The following DGKB variants were observed in gnomAD, a reference collection of about 807,000 sequenced individuals.
DGKB encodes 90 kDa diacylglycerol kinase.
Under a neutral mutation model 114.3 loss-of-function variants are expected in DGKB, and 67 were observed. That is an observed-to-expected ratio of 0.59 (90% CI 0.48 to 0.72). The LOEUF (loss-of-function observed/expected upper bound fraction) is 0.72, where lower values mean the gene tolerates loss of function less well. Ranked by LOEUF, DGKB falls within the 30% of genes least tolerant of loss-of-function variation. The pLI is 0.00. For missense variants in DGKB, 907 were observed against 975.2 expected, an observed-to-expected ratio of 0.93 and a Z score of 0.93; for synonymous variants, 398 against 323.1, an observed-to-expected ratio of 1.23 and a Z score of -2.49.
At chr7:14,872,272 T>C (rs1253160191) in intron 1 of DGKB, among the ~76,000 whole-genome samples, 2 of 152,142 alleles carry the variant, frequency 1.3e-5, no homozygotes, top group South Asian at 2.1e-4. Flanking sequence ...ATAACAAACA[T>C]ACGCTATACC....
chr7:14,844,542 C>T (rs1376545576), intron 1 of DGKB, among the ~76,000 whole-genome samples: 1 of 152,182 alleles, frequency 6.6e-6, no homozygotes, highest in African/African-American at 2.4e-5. Flanking sequence ...AACCTGATCA[C>T]TCTTACATTT....
At chr7:14,868,590 G>T (rs1428495317) in intron 1 of DGKB, among the ~76,000 whole-genome samples, 2 of 151,916 alleles carry the variant, frequency 1.3e-5, no homozygotes, top group African/African-American at 4.8e-5. Context: ...GACCTTCTAT[G>T]TGGAATAGTA....
intron 20 of DGKB, among the ~76,000 whole-genome samples, chr7:14,562,923 T>C (rs528795312): frequency 6.6e-6 from 1 of 152,084 alleles, no homozygotes; most frequent in East Asian, 1.9e-4. Flanking sequence ...GGACCAATAG[T>C]GGGAAGATAT....
chr7:14,241,609 T>C (rs1259507470), intron 23 of DGKB, among the ~76,000 whole-genome samples: 2 of 152,064 alleles, frequency 1.3e-5, no homozygotes, highest in African/African-American at 2.4e-5. Flanking sequence ...GGAAATTTTT[T>C]TTGTAACTGG....
chr7:14,392,383 G>A (rs1246130678), intron 21 of DGKB, among the ~76,000 whole-genome samples: 3 of 152,096 alleles, frequency 2.0e-5, no homozygotes, highest in African/African-American at 7.2e-5. Flanking sequence ...ATTTTGTTTT[G>A]TATTGCGTTA....
intron 21 of DGKB, among the ~76,000 whole-genome samples, chr7:14,377,320 A>T (rs1818650193): frequency 6.6e-6 from 1 of 152,234 alleles, no homozygotes. Flanking sequence ...TTAATTTAAC[A>T]ATCACTCAAT....
At chr7:14,422,928 C>T (rs980664306) in intron 21 of DGKB, among the ~76,000 whole-genome samples, 12 of 151,946 alleles carry the variant, frequency 7.9e-5, no homozygotes, top group East Asian at 5.8e-4. Flanking sequence ...ATTAAATCTA[C>T]GAGATCAGCG....
intron 23 of DGKB, among the ~76,000 whole-genome samples, chr7:14,256,250 G>A (rs917004896): frequency 3.3e-5 from 5 of 151,754 alleles, no homozygotes; most frequent in Non-Finnish European, 7.4e-5. Context: ...TGATCTCTTA[G>A]CTCATTTATT....
intron 9 of DGKB, among the ~76,000 whole-genome samples, chr7:14,690,635 C>T (rs963926718): frequency 3.9e-5 from 6 of 152,172 alleles, no homozygotes; most frequent in African/African-American, 7.2e-5. Context: ...ATAATTTCTG[C>T]GATTGCATTT....
chr7:14,707,089 AAGAG>A (rs1437453121), intron 6 of DGKB, among the ~76,000 whole-genome samples: 4 of 146,308 alleles, frequency 2.7e-5, no homozygotes, highest in Admixed American at 6.9e-5. Context: ...TAAAGAAAAA[AAGAG>A]AGAAGAATCA....
At chr7:14,856,004 C>T (rs199659327) in intron 1 of DGKB, among the ~76,000 whole-genome samples, 8 of 20,660 alleles carry the variant, frequency 3.9e-4, no homozygotes, top group African/African-American at 6.1e-4. Context: ...TATATATATA[C>T]ACACACACAC....
At chr7:14,483,163 C>T (rs1783245321) in intron 20 of DGKB, among the ~76,000 whole-genome samples, 1 of 152,040 alleles carries the variant, frequency 6.6e-6, no homozygotes, top group Non-Finnish European at 1.5e-5. Flanking sequence ...TAACTGGAAC[C>T]TGGTAACTTT....
chr7:14,505,485 T>G (rs1786894926), intron 20 of DGKB, among the ~76,000 whole-genome samples: 2 of 151,334 alleles, frequency 1.3e-5, no homozygotes, highest in African/African-American at 4.9e-5. Flanking sequence ...AAAAAATAAA[T>G]TCAAACTTAC....
At chr7:14,207,959 T>C (rs1244831408) in intron 23 of DGKB, among the ~76,000 whole-genome samples, 3 of 152,056 alleles carry the variant, frequency 2.0e-5, no homozygotes, top group Non-Finnish European at 4.4e-5. Flanking sequence ...CTACAGAACT[T>C]TGTAGATGAA....
intron 23 of DGKB, among the ~76,000 whole-genome samples, chr7:14,248,983 T>C (rs1794849687): frequency 6.6e-6 from 1 of 152,184 alleles, no homozygotes. Flanking sequence ...GTCTCTCTTG[T>C]ATGGCGTTTA....
At chr7:14,934,954 A>G (rs1350328025) in intron 1 of DGKB, among the ~76,000 whole-genome samples, 1 of 152,212 alleles carries the variant, frequency 6.6e-6, no homozygotes, top group Non-Finnish European at 1.5e-5. Flanking sequence ...GCCTAATGTT[A>G]CATTTAGAGG....
intron 14 of DGKB, among the ~76,000 whole-genome samples, chr7:14,622,265 T>G (rs1004956374): frequency 1.3e-5 from 2 of 152,104 alleles, no homozygotes; most frequent in Non-Finnish European, 2.9e-5. Context: ...CTCTGAGCTC[T>G]CTTCTTCCTT....
intron 2 of DGKB, among the ~76,000 whole-genome samples, chr7:14,829,574 C>T (rs1562650531): frequency 6.6e-6 from 1 of 152,086 alleles, no homozygotes; most frequent in Non-Finnish European, 1.5e-5. Flanking sequence ...GGAGTTTTAT[C>T]AGTGAACACT....
intron 23 of DGKB, among the ~76,000 whole-genome samples, chr7:14,305,099 G>A (rs187999335): frequency 6.6e-6 from 1 of 152,196 alleles, no homozygotes; most frequent in Admixed American, 6.6e-5. Flanking sequence ...TGGGATATCT[G>A]TCACCTCAAA....
Sources: gnomAD v4.1 joint callset for allele counts (sites outside exome capture counted in the v4.1 genomes callset) on GRCh38, gnomAD v4.1.1 for gene constraint, MANE v1.5 for transcripts, NCBI Gene and HGNC (gene_info 2026-07-23, HGNC 2026-07-21) for gene names.